Variants in AK8 observed in about 807,000 individuals in gnomAD.
AK8 encodes the protein ATP-AMP transphosphorylase 8.
In AK8, 44 loss-of-function variants were observed where a neutral mutation model predicts 54.6. That is an observed-to-expected ratio of 0.81 (90% CI 0.63 to 1.04). The LOEUF is 1.04. AK8 is among the 50% of genes least tolerant of loss of function. AK8 has a pLI of 0.00. For missense variants in AK8, 555 were observed against 613.6 expected (o/e 0.90, Z 1.01); for synonymous variants, 239 against 245.6 (o/e 0.97, Z 0.25).
chr9:132,727,350 A>G (rs1836624296), intron 12 of AK8, 104 bp downstream of exon 12: 1 of 1,056,700 alleles, frequency 9.5e-7, no homozygotes, highest in Non-Finnish European at 1.5e-6. Context: ...TTCAGTGGTC[A>G]CCAGTGTTAT....
At chr9:132,878,413 C>T (rs1360482674), upstream of AK8, 3 of 1,236,316 alleles carry the variant, frequency 2.4e-6, no homozygotes, top group Non-Finnish European at 3.0e-6. This position sits in a 1 kb window ranked among gnomAD's most constrained non-coding sequence, Gnocchi z 4.7. Context: ...CCGACCTCCC[C>T]GGCTGACGCG....
chr9:132,755,517 G>A (rs1389033655), intron 11 of AK8, among the ~76,000 whole-genome samples: 2 of 152,232 alleles, frequency 1.3e-5, no homozygotes, highest in Non-Finnish European at 2.9e-5. Context: ...GGGCAGGACT[G>A]CGCCTCACTC....
intron 11 of AK8, among the ~76,000 whole-genome samples, chr9:132,749,758 G>T (rs755089725): frequency 2.0e-5 from 3 of 149,958 alleles, no homozygotes; most frequent in Non-Finnish European, 4.4e-5. Context: ...TTTTTAAATC[G>T]ATATGAAAAT....
chr9:132,841,351 G>A (rs1415419365), intron 5 of AK8, among the ~76,000 whole-genome samples: 1 of 152,210 alleles, frequency 6.6e-6, no homozygotes, highest in African/African-American at 2.4e-5. Flanking sequence ...GCCTTTTGAT[G>A]AATAATAAAA....
intron 5 of AK8, among the ~76,000 whole-genome samples, chr9:132,839,581 C>G (rs564805665): frequency 1.3e-5 from 2 of 152,284 alleles, no homozygotes; most frequent in African/African-American, 4.8e-5. Flanking sequence ...TCCGCAGGCT[C>G]CTGCTCAGCA....
At chr9:132,848,100 A>C (rs1842821352) in intron 5 of AK8, among the ~76,000 whole-genome samples, 1 of 129,952 alleles carries the variant, frequency 7.7e-6, no homozygotes, top group Non-Finnish European at 1.6e-5. Context: ...TGGGCAACAG[A>C]GCAACACCCT....
chr9:132,787,464 C>T (rs191360347), intron 11 of AK8, among the ~76,000 whole-genome samples: 7 of 152,258 alleles, frequency 4.6e-5, no homozygotes, highest in East Asian at 1.9e-4. Flanking sequence ...CAAAATTCCA[C>T]GGGAAAATCA....
chr9:132,816,773 G>A (rs536426055), intron 9 of AK8, among the ~76,000 whole-genome samples: 1 of 152,292 alleles, frequency 6.6e-6, no homozygotes, highest in South Asian at 2.1e-4. Context: ...TAGTCATCCT[G>A]GATTTCTACC....
rs143624052 is a variant in AK8, at chr9:132,749,197, A to G, written c.1122-21663T>C. Among the ~76,000 whole-genome samples, 204 of 152,086 alleles carry G rather than the reference A, an allele frequency of 1.3e-3. 2 individuals are homozygous for G. The highest frequency in any genetic ancestry group is 4.7e-3 in the African/African-American group (197 of 41,550). ...TAAATATTTACAATGTTTTTCACGA[A>G]CTAAGCATGCTACATAACATAATTT... On this transcript the variant is annotated intron_variant, in intron 11 of 12. Transcript: ENST00000298545.
chr9:132,734,400 T>C (rs1012143051), intron 11 of AK8, among the ~76,000 whole-genome samples: 26 of 152,030 alleles, frequency 1.7e-4, no homozygotes, highest in African/African-American at 6.0e-4. Context: ...CTCCCGGAGA[T>C]TCTGGTATAC....
At chr9:132,742,400 G>T (rs1837435353) in intron 11 of AK8, among the ~76,000 whole-genome samples, 1 of 152,024 alleles carries the variant, frequency 6.6e-6, no homozygotes, top group Non-Finnish European at 1.5e-5. Flanking sequence ...TTGGTCTTTT[G>T]GGCTCAAGTA....
chr9:132,858,117 G>A (rs976116992), intron 4 of AK8, among the ~76,000 whole-genome samples: 2 of 152,198 alleles, frequency 1.3e-5, no homozygotes, highest in African/African-American at 2.4e-5. Flanking sequence ...CTCCCTGCTC[G>A]GTGGCACCGC....
chr9:132,744,775 CAG>C (rs1203895390), intron 11 of AK8, among the ~76,000 whole-genome samples: 5 of 152,238 alleles, frequency 3.3e-5, no homozygotes, highest in South Asian at 4.2e-4. Flanking sequence ...TGTCATAAAA[CAG>C]AAATAATAAC....
At position 132,727,551 on chromosome 9, in the gene AK8, C is replaced by G. The variant is rs369191618; in HGVS notation, c.1122-17G>C. The G allele has an allele frequency of 7.5e-6, 12 of 1,605,970 alleles. No individual in the cohort carries two copies. The highest frequency in any genetic ancestry group is 5.0e-5 in the Admixed American group (3 of 59,984). ...AAAAACACCCTATAAGGAAATAAACCATATTAATAATGGTTTTTATTTCCT... is the reference window on the plus strand; with the variant it reads ...AAAAACACCCTATAAGGAAATAAACGATATTAATAATGGTTTTTATTTCCT... On this transcript the variant is annotated splice_polypyrimidine_tract_variant and intron_variant, in intron 11 of 12. Coordinates refer to ENST00000298545, the MANE Select transcript of AK8 (RefSeq NM_152572.3).
intron 11 of AK8, among the ~76,000 whole-genome samples, chr9:132,751,593 A>G (rs1837929237): frequency 2.0e-5 from 3 of 151,010 alleles, no homozygotes; most frequent in South Asian, 4.2e-4. Flanking sequence ...AATTAAGTCT[A>G]TGATTCCAGC....
chr9:132,769,267 C>G (rs1838854090), intron 11 of AK8: 1 of 152,382 alleles, frequency 6.6e-6, no homozygotes, highest in Non-Finnish European at 1.5e-5. Flanking sequence ...CTTAGCCTCT[C>G]CGGGCCCCCC....
intron 4 of AK8, chr9:132,861,407 T>C (rs1324908241): frequency 6.6e-6 from 1 of 152,216 alleles, no homozygotes; most frequent in Non-Finnish European, 1.5e-5. Context: ...ACCGATTAAT[T>C]GCTTTATTGA....
At chr9:132,867,877 A>T (rs2131425879) in intron 2 of AK8, among the ~76,000 whole-genome samples, 1 of 152,302 alleles carries the variant, frequency 6.6e-6, no homozygotes, top group Non-Finnish European at 1.5e-5. Flanking sequence ...GGTGAGACAG[A>T]GCTAGAGTGG....
chr9:132,727,638 G>A lies in AK8; in HGVS notation c.1122-104C>T, dbSNP rs2130927861. On this transcript the variant is annotated intron_variant, in intron 11 of 12. Coordinates refer to ENST00000298545, the MANE Select transcript of AK8 (RefSeq NM_152572.3). ...AATCCTGGAGAGACTGCTCCTCCCAGGGCTGGCCGATTCCTAGAGCCAGCA... is the reference window on the plus strand; with the variant it reads ...AATCCTGGAGAGACTGCTCCTCCCAAGGCTGGCCGATTCCTAGAGCCAGCA... 6.3e-6 allele frequency: 7 copies of A among 1,115,424 alleles called. No individual in the cohort carries two copies. The South Asian group carries it at 9.8e-5, about 16-fold the overall frequency. The allele number at this position is 1,115,424 out of a possible 1,614,324, so 69.1% of individuals were successfully genotyped here. A position where few individuals can be genotyped will look rare whatever the true frequency, so the allele number is the denominator to read the frequency against.
Sources: allele counts gnomAD v4.1 joint callset (sites outside exome capture counted in the v4.1 genomes callset), GRCh38; gene constraint gnomAD v4.1.1; non-coding constraint Gnocchi (gnomAD v3.1); transcripts MANE v1.5; gene names NCBI Gene and HGNC (gene_info 2026-07-23, HGNC 2026-07-21).